AAMDC: variants seen among roughly 807,000 people sequenced by gnomAD.
AAMDC encodes mth938 domain-containing protein.
In AAMDC, 16 loss-of-function variants were observed where a neutral mutation model predicts 15.5. The observed-to-expected ratio is 1.03, with a 90% CI of 0.70 to 1.57. The LOEUF (loss-of-function observed/expected upper bound fraction) is 1.57, where lower values mean the gene tolerates loss of function less well. AAMDC is among the 40% of genes most tolerant of loss of function. AAMDC has a pLI of 0.00. For synonymous variants in AAMDC, 51 were observed against 51.6 expected, an observed-to-expected ratio of 0.99 and a Z score of 0.05; for missense variants, 141 against 144.9, an observed-to-expected ratio of 0.97 and a Z score of 0.14.
chr11:77,894,936 A>G (rs1272171011), intron 5 of AAMDC, among the ~76,000 whole-genome samples: 2 of 152,224 alleles, frequency 1.3e-5, no homozygotes, highest in South Asian at 2.1e-4. Context: ...TTTTTTCCAT[A>G]GCGGTATAGC....
At chr11:77,881,799 A>G (rs1348028323) in intron 5 of AAMDC, among the ~76,000 whole-genome samples, 1 of 152,218 alleles carries the variant, frequency 6.6e-6, no homozygotes, top group East Asian at 1.9e-4. Context: ...TAAATGTGAA[A>G]ACACATCTGA....
At chr11:77,856,827 G>A (rs1212728882) in intron 2 of AAMDC, among the ~76,000 whole-genome samples, 2 of 152,048 alleles carry the variant, frequency 1.3e-5, no homozygotes, top group African/African-American at 2.4e-5. Context: ...ATTACAATTC[G>A]ACATGAGATT....
intron 1 of AAMDC, among the ~76,000 whole-genome samples, chr11:77,838,450 A>G (rs150214014): frequency 5.9e-5 from 9 of 152,254 alleles, no homozygotes; most frequent in African/African-American, 2.2e-4. Flanking sequence ...CTGCCTCAGT[A>G]CCATAACAAC....
intron 5 of AAMDC, among the ~76,000 whole-genome samples, chr11:77,898,287 C>T (rs1306800631): frequency 6.6e-6 from 1 of 152,136 alleles, no homozygotes; most frequent in Middle Eastern, 3.2e-3. Flanking sequence ...CTCAGCCTCC[C>T]GAGTAGCTGG....
chr11:77,841,525 G>T (rs1352046107), intron 1 of AAMDC, among the ~76,000 whole-genome samples: 14 of 152,204 alleles, frequency 9.2e-5, no homozygotes, highest in Admixed American at 9.2e-4. Flanking sequence ...GTGTGTACAG[G>T]GGAGTGCGTT....
downstream of AAMDC, among the ~76,000 whole-genome samples, chr11:77,876,376 C>A (rs1302734850): frequency 2.6e-5 from 4 of 151,648 alleles, no homozygotes; most frequent in African/African-American, 7.3e-5. Flanking sequence ...CTCTTTATGC[C>A]CCCTTCGAAA....
At chr11:77,877,557 A>G (rs1221299027) in intron 5 of AAMDC, among the ~76,000 whole-genome samples, 1 of 152,076 alleles carries the variant, frequency 6.6e-6, no homozygotes, top group East Asian at 1.9e-4. Flanking sequence ...TTTCCCATAT[A>G]CTTCCCCTGA....
downstream of AAMDC, among the ~76,000 whole-genome samples, chr11:77,905,542 C>T (rs1952923645): frequency 6.6e-6 from 1 of 151,892 alleles, no homozygotes; most frequent in Admixed American, 6.6e-5. Flanking sequence ...CATGAAAGTG[C>T]ATCATCACAA....
At chr11:77,883,402 AT>A (rs1391305655) in intron 5 of AAMDC, among the ~76,000 whole-genome samples, 7 of 152,288 alleles carry the variant, frequency 4.6e-5, no homozygotes, top group African/African-American at 1.7e-4. Context: ...ATGAAAAAAA[AT>A]ATTTTTAAAA....
chr11:77,874,220 C>T (rs200452309), downstream of AAMDC, among the ~76,000 whole-genome samples: 5 of 152,304 alleles, frequency 3.3e-5, no homozygotes, highest in South Asian at 2.1e-4. Context: ...ATTGAAGTCT[C>T]GGAAGGATCT....
chr11:77,846,930 C>T (rs534410752), intron 2 of AAMDC, among the ~76,000 whole-genome samples: 1 of 152,246 alleles, frequency 6.6e-6, no homozygotes, highest in Non-Finnish European at 1.5e-5. Context: ...TGCTTCTTTT[C>T]TGTATCCTGT....
intron 5 of AAMDC, chr11:77,883,703 A>C: frequency 9.8e-7 from 1 of 1,021,856 alleles, no homozygotes; most frequent in Non-Finnish European, 1.4e-6. Flanking sequence ...TTATAAACTC[A>C]TTAAGTTCAA....
At position 77,838,709 on chromosome 11, in the gene AAMDC, C is replaced by T. The variant is rs572591471; in HGVS notation, c.-18-3770C>T. 1.6e-4 allele frequency among the ~76,000 whole-genome samples: 25 copies of T among 151,632 alleles called. No individual in the cohort carries two copies. The East Asian group carries it at 2.9e-3, about 18-fold the overall frequency. Reference sequence around the variant, plus strand: ...TGGGCTCACTGTAAGCTCCGCCTCCCGGGTTCACGCCATTCTCCTGCCTCA... The same window carrying T: ...TGGGCTCACTGTAAGCTCCGCCTCCTGGGTTCACGCCATTCTCCTGCCTCA... On this transcript the variant is annotated intron_variant, in intron 1 of 3. Transcript: ENST00000393427.
At chr11:77,878,914 C>T in intron 5 of AAMDC, 1 of 1,553,540 alleles carries the variant, frequency 6.4e-7, no homozygotes, top group South Asian at 1.1e-5. Context: ...CTAAGAAGGG[C>T]CCTCTAGGCC....
intron 1 of AAMDC, among the ~76,000 whole-genome samples, chr11:77,827,936 T>C (rs745790699): frequency 2.0e-5 from 3 of 152,082 alleles, no homozygotes; most frequent in Non-Finnish European, 4.4e-5. Context: ...AGATAAATAC[T>C]CAAAAATCCT....
chr11:77,840,772 ATTT>A (rs1455067279), intron 1 of AAMDC, among the ~76,000 whole-genome samples: 1 of 151,986 alleles, frequency 6.6e-6, no homozygotes, highest in South Asian at 2.1e-4. Context: ...ATGCCTTGTA[ATTT>A]TTTGTTGAAG....
intron 1 of AAMDC, among the ~76,000 whole-genome samples, chr11:77,821,588 G>T (rs1032568120): frequency 1.3e-5 from 2 of 152,130 alleles, no homozygotes; most frequent in Non-Finnish European, 2.9e-5. Flanking sequence ...TCTGCTAGGG[G>T]GCCATGGTGT....
chr11:77,886,003 C>T lies in AAMDC; in HGVS notation c.328+8954C>T, dbSNP rs147208562. Among the ~76,000 whole-genome samples, 714 of 151,732 alleles carry T rather than the reference C, an allele frequency of 4.7e-3. 6 individuals are homozygous for T. The highest frequency in any genetic ancestry group is 0.015 in the African/African-American group (629 of 41,342). Reference sequence around the variant, plus strand: ...ATTGCTTGAAGACAGGAGTTTAAGACGAGACTGGGCAAAAAAGTAAGACCC... The same window carrying T: ...ATTGCTTGAAGACAGGAGTTTAAGATGAGACTGGGCAAAAAAGTAAGACCC... On this transcript the variant is annotated intron_variant, in intron 5 of 5. Coordinates refer to the AAMDC transcript ENST00000304716.
At chr11:77,878,129 A>G (rs985355067) in intron 5 of AAMDC, among the ~76,000 whole-genome samples, 30 of 152,102 alleles carry the variant, frequency 2.0e-4, no homozygotes, top group South Asian at 6.2e-4. Context: ...TTGGGAGGCC[A>G]AGGTGGGCAG....
Sources: gnomAD v4.1 joint callset for allele counts (sites outside exome capture counted in the v4.1 genomes callset) on GRCh38, gnomAD v4.1.1 for gene constraint, MANE v1.5 for transcripts, NCBI Gene and HGNC (gene_info 2026-07-23, HGNC 2026-07-21) for gene names.